Variants in ADGRV1 observed in about 807,000 individuals in gnomAD.
The protein encoded by ADGRV1 is G-protein coupled receptor 98.
A neutral mutation model predicts 596.2 loss-of-function variants in ADGRV1; 359 were observed. The ratio of observed to expected loss-of-function variants is 0.60; its 90% CI spans 0.55 to 0.66. The LOEUF (loss-of-function observed/expected upper bound fraction) is 0.66. Ranked by LOEUF, ADGRV1 falls within the 30% of genes least tolerant of loss-of-function variation. ADGRV1 has a pLI of 0.00. For missense variants in ADGRV1, 7,274 were observed against 7,575.6 expected (o/e 0.96, Z 1.48); for synonymous variants, 2,681 against 2,679.2 (o/e 1.00, Z -0.02).
At position 90,975,036 on chromosome 5, in the gene ADGRV1, C is replaced by T. The variant is rs546429518; in HGVS notation, c.17973+9505C>T. On this transcript the variant is annotated intron_variant, in intron 84 of 89. Transcript: ENST00000405460. Reference sequence around the variant, plus strand: ...ACAAACAACCCCATCACAAAGTGGGCGAAGGATATGAACAGACACTTCTCA... The same window carrying T: ...ACAAACAACCCCATCACAAAGTGGGTGAAGGATATGAACAGACACTTCTCA... Among the ~76,000 whole-genome samples, 385 of 152,150 alleles carry T rather than the reference C, an allele frequency of 2.5e-3. 2 individuals are homozygous for T. The highest frequency in any genetic ancestry group is 6.3e-3 in the African/African-American group (262 of 41,480).
intron 85 of ADGRV1, among the ~76,000 whole-genome samples, chr5:90,997,191 T>C (rs1337307687): frequency 1.3e-5 from 2 of 152,156 alleles, no homozygotes; most frequent in African/African-American, 2.4e-5. Flanking sequence ...AGTTTGGTTA[T>C]GTATCCCCAC....
At chr5:91,163,650 T>G in intron 89 of ADGRV1, 132 bp from the exon 90 acceptor site, 1 of 507,294 alleles carries the variant, frequency 2.0e-6, no homozygotes, top group South Asian at 3.9e-5. Flanking sequence ...TAATAATATC[T>G]ATTCTAAATG....
At chr5:91,030,916 C>T in intron 85 of ADGRV1, 3 of 636,112 alleles carry the variant, frequency 4.7e-6, no homozygotes, top group Non-Finnish European at 5.0e-6. Context: ...GAAGAAACTG[C>T]AGTCTTGTGA....
chr5:90,689,341 T>TC (rs1232208346), intron 29 of ADGRV1, among the ~76,000 whole-genome samples: 1 of 147,684 alleles, frequency 6.8e-6, no homozygotes, highest in Non-Finnish European at 1.5e-5. Flanking sequence ...CCTTTTTTTT[T>TC]TTTTTTTTTT....
chr5:91,011,810 T>C (rs1782748266), intron 85 of ADGRV1, among the ~76,000 whole-genome samples: 1 of 152,074 alleles, frequency 6.6e-6, no homozygotes, highest in East Asian at 1.9e-4. Flanking sequence ...AAAGCTACTT[T>C]ATTAGCTTGG....
At chr5:90,927,765 G>A (rs556444004) in intron 83 of ADGRV1, among the ~76,000 whole-genome samples, 2 of 152,096 alleles carry the variant, frequency 1.3e-5, no homozygotes, top group African/African-American at 4.8e-5. Flanking sequence ...TGCAGTGGCT[G>A]GTACTGGTTG....
At chr5:91,100,994 C>T (rs773622268) in intron 86 of ADGRV1, among the ~76,000 whole-genome samples, 3 of 151,938 alleles carry the variant, frequency 2.0e-5, no homozygotes, top group South Asian at 2.1e-4. Context: ...TCTACGAAGA[C>T]GTGTCAACTA....
At chr5:90,852,980 AGCCACAGATTTCATCTTTATG>A (rs935383993) in intron 79 of ADGRV1, among the ~76,000 whole-genome samples, 1 of 152,232 alleles carries the variant, frequency 6.6e-6, no homozygotes, top group Non-Finnish European at 1.5e-5. Context: ...ACACTTTTAA[AGCCACAGATTTCATCTTTATG>A]GCCACAGATT....
chr5:91,119,571 A>G (rs1562243495), intron 87 of ADGRV1, among the ~76,000 whole-genome samples: 1 of 152,248 alleles, frequency 6.6e-6, no homozygotes. Flanking sequence ...CAGCTGTTCC[A>G]AAGATGAAAT....
chr5:90,688,999 A>G (rs548345061), intron 29 of ADGRV1, among the ~76,000 whole-genome samples: 1 of 152,204 alleles, frequency 6.6e-6, no homozygotes, highest in Non-Finnish European at 1.5e-5. Context: ...AAGACTGCCT[A>G]CTTTGATAGT....
chr5:90,685,939 G>T lies in ADGRV1; in HGVS notation c.6434G>T (p.Gly2145Val). The T allele has an allele frequency of 6.2e-7, 1 of 1,607,996 alleles. No individual in the cohort carries two copies. Among genetic ancestry groups the T allele is most frequent in the Non-Finnish European group, 8.5e-7 (1 of 1,176,218 alleles). ...ATTATCAATGTGACTAGAACAGGAG[G>T]AGCATTTGCAGATGTCTCTGTGAAG... ...GPIINVTRTGGAFADVSVKFK... is the reference protein window; with the variant it reads ...GPIINVTRTGVAFADVSVKFK... Residue 2145 changes from glycine (G) to valine (V), a missense_variant, in exon 29 of 90, where the codon GGA becomes GTA. Physicochemically the swap from Gly to Val is moderately radical, Grantham distance 109. Around this residue, in one of 5 missense-constraint regions of ADGRV1, gnomAD observed 3,643 missense variants for 3,809.2 expected, o/e 0.96. Coordinates refer to ENST00000405460, the MANE Select transcript of ADGRV1 (RefSeq NM_032119.4).
At chr5:90,853,211 T>G in intron 79 of ADGRV1, 73 bp from the exon 80 acceptor site, 1 of 1,425,148 alleles carries the variant, frequency 7.0e-7, no homozygotes, top group Non-Finnish European at 9.5e-7. Flanking sequence ...TGTAATGCAC[T>G]TTAACAAATA....
chr5:90,927,539 A>C (rs529232841), intron 83 of ADGRV1, among the ~76,000 whole-genome samples: 2 of 152,234 alleles, frequency 1.3e-5, no homozygotes, highest in Non-Finnish European at 2.9e-5. Context: ...TCTGCACGTG[A>C]GATGCGTTTC....
chr5:91,014,034 C>T (rs1782949562), intron 85 of ADGRV1, among the ~76,000 whole-genome samples: 1 of 151,560 alleles, frequency 6.6e-6, no homozygotes, highest in African/African-American at 2.4e-5. Context: ...GGCCTTATTT[C>T]TGGGCTCTCT....
intron 79 of ADGRV1, among the ~76,000 whole-genome samples, 197 bp from the exon 80 acceptor site, chr5:90,853,087 G>T (rs950305121): frequency 1.3e-5 from 2 of 152,144 alleles, no homozygotes; most frequent in African/African-American, 4.8e-5. Context: ...AGAGGATGCA[G>T]AAAATTCTGT....
At chr5:90,976,448 C>T (rs1779623393) in intron 84 of ADGRV1, among the ~76,000 whole-genome samples, 1 of 150,422 alleles carries the variant, frequency 6.6e-6, no homozygotes, top group Admixed American at 6.7e-5. Flanking sequence ...TTCTGGCTTC[C>T]AGTTGATGAA....
At chr5:90,869,568 A>T (rs369011334) in intron 83 of ADGRV1, among the ~76,000 whole-genome samples, 2 of 152,172 alleles carry the variant, frequency 1.3e-5, no homozygotes, top group African/African-American at 4.8e-5. Flanking sequence ...TCCGATTAGG[A>T]TGGGTTCTGA....
chr5:90,842,704 C>T (rs1765537636), intron 78 of ADGRV1, among the ~76,000 whole-genome samples: 1 of 151,570 alleles, frequency 6.6e-6, no homozygotes, highest in Non-Finnish European at 1.5e-5. Context: ...GGCAACAGAG[C>T]AAGACTCCAT....
At chr5:90,644,122 T>G in intron 14 of ADGRV1, 139 bp downstream of exon 14, 1 of 594,792 alleles carries the variant, frequency 1.7e-6, no homozygotes, top group Non-Finnish European at 2.8e-6. Flanking sequence ...AAGTTTTTTT[T>G]AGAATCATAT....
Sources: gnomAD v4.1 joint callset for allele counts (sites outside exome capture counted in the v4.1 genomes callset) on GRCh38, gnomAD v4.1.1 for gene constraint, gnomAD v4.1.1 regional missense constraint, MANE v1.5 for transcripts, NCBI Gene and HGNC (gene_info 2026-07-23, HGNC 2026-07-21) for gene names.